Variants in ACTN2 observed in about 807,000 individuals in gnomAD.
The protein encoded by ACTN2 is actinin alpha 2.
In ACTN2, 39 loss-of-function variants were observed where a neutral mutation model predicts 113.8. That is an observed-to-expected ratio of 0.34 (90% CI 0.27 to 0.45). The LOEUF is 0.45. Ranked by LOEUF, ACTN2 falls within the 20% of genes least tolerant of loss-of-function variation. The pLI is 1.00. For missense variants in ACTN2, 992 were observed against 1,177.9 expected (o/e 0.84, Z 2.31); for synonymous variants, 429 against 444.1 (o/e 0.97, Z 0.43).
intron 1 of ACTN2, 138 bp downstream of exon 1, chr1:236,686,937 C>A: frequency 1.0e-6 from 1 of 992,664 alleles, no homozygotes; most frequent in Non-Finnish European, 1.3e-6. Context: ...GCCCTCGCAG[C>A]CCCGGGGGCC....
At position 236,751,582 on chromosome 1, in the gene ACTN2, A is replaced by G. The variant is rs1413539816; in HGVS notation, c.1769A>G (p.Asn590Ser). 2 of 1,613,968 alleles carry G rather than the reference A, an allele frequency of 1.2e-6. No homozygotes were observed. The highest frequency in any genetic ancestry group is 2.7e-5 in the African/African-American group (2 of 74,920). The change falls in exon 15 of 21, where the codon AAC (asparagine) becomes AGC (serine). Residue 590 changes from asparagine to serine, a missense_variant. Coordinates refer to ENST00000366578, the MANE Select transcript of ACTN2 (RefSeq NM_001103.4). ...NEVEKVIQSY[N>S]IRISSSNPYS... The stretch of plus-strand genomic sequence containing the variant: ...GTGGAGAAGGTGATTCAGAGCTACA[A>G]CATCAGAATCAGCTCAAGCAACCCG...
intron 3 of ACTN2, among the ~76,000 whole-genome samples, chr1:236,719,394 A>G (rs1157188463): frequency 6.6e-6 from 1 of 152,232 alleles, no homozygotes; most frequent in Non-Finnish European, 1.5e-5. Flanking sequence ...TTCCACCCAT[A>G]TCTCTGTATG....
chr1:236,724,537 G>A (rs1446144413), intron 4 of ACTN2, among the ~76,000 whole-genome samples: 1 of 152,244 alleles, frequency 6.6e-6, no homozygotes, highest in Non-Finnish European at 1.5e-5. Context: ...GCTTGGGGAA[G>A]AAGGTCTCCG....
At chr1:236,690,617 G>C (rs572370587) in intron 1 of ACTN2, among the ~76,000 whole-genome samples, 7 of 152,300 alleles carry the variant, frequency 4.6e-5, no homozygotes, top group South Asian at 2.1e-4. Flanking sequence ...ACATTGTAAA[G>C]TGATCTGTAA....
In ACTN2 at chr1:236,755,157, G is replaced by A. The variant is rs1659517244; in HGVS notation, c.2113G>A (p.Ala705Thr). The change falls in exon 17 of 21, where the codon GCC (alanine) becomes ACC (threonine). Residue 705 changes from alanine (A) to threonine (T), a missense_variant. Ala to Thr is a moderately conservative substitution (Grantham distance 58). This residue lies in a region of ACTN2 where 736 missense variants were observed against 815.4 expected (regional missense o/e 0.90). Transcript: ENST00000366578. ...GGGAGACCATCAGCTCATCCAGGAG[G>A]CCCTTGTCTTTGACAACAAGCACAC... is the stretch of plus-strand genomic sequence containing the variant. ...LEGDHQLIQE[A>T]LVFDNKHTNY... 3.7e-6 allele frequency: 6 copies of A among 1,613,994 alleles called. No individual in the cohort carries two copies. In the East Asian group the frequency reaches 8.9e-5, roughly 24 times the overall value.
intron 7 of ACTN2, among the ~76,000 whole-genome samples, chr1:236,735,160 G>A (rs920965276): frequency 5.9e-5 from 9 of 152,204 alleles, no homozygotes; most frequent in African/African-American, 1.9e-4. Flanking sequence ...ATCCCCAACA[G>A]TTGTTTGGGT....
At chr1:236,746,333 T>G (rs1190691636) in intron 12 of ACTN2, among the ~76,000 whole-genome samples, 1 of 152,106 alleles carries the variant, frequency 6.6e-6, no homozygotes, top group Non-Finnish European at 1.5e-5. Flanking sequence ...TTGATTTATA[T>G]CTGAATGAAA....
At position 236,706,980 on chromosome 1, in the gene ACTN2, C is replaced by T. The variant is rs369373313; in HGVS notation, c.127-10878C>T. Among the ~76,000 whole-genome samples the T allele has an allele frequency of 5.8e-4, 89 of 152,250 alleles. 2 individuals are homozygous for T. Among genetic ancestry groups the T allele is most frequent in the African/African-American group, 2.0e-3 (84 of 41,558 alleles). On this transcript the variant is annotated intron_variant, in intron 1 of 20. Coordinates refer to ENST00000366578, the MANE Select transcript of ACTN2 (RefSeq NM_001103.4). ...GCAGACATGTAACAGCCTGGGAAGC[C>T]GGTTGTGGGTCTTCCTTTTGCAATG...
At chr1:236,705,965 T>C (rs906543280) in intron 1 of ACTN2, among the ~76,000 whole-genome samples, 1 of 152,212 alleles carries the variant, frequency 6.6e-6, no homozygotes, top group Non-Finnish European at 1.5e-5. Context: ...CAGAATTTGA[T>C]TAAAACCAGA....
intron 19 of ACTN2, 68 bp downstream of exon 19, chr1:236,759,857 A>T: frequency 6.7e-7 from 1 of 1,489,248 alleles, no homozygotes; most frequent in Non-Finnish European, 9.4e-7. Flanking sequence ...GTTATAAAAG[A>T]TGACAAGCTC....
intron 9 of ACTN2, among the ~76,000 whole-genome samples, chr1:236,738,681 A>T (rs1658967262): frequency 6.6e-6 from 1 of 152,230 alleles, no homozygotes; most frequent in Non-Finnish European, 1.5e-5. Flanking sequence ...GGTTTTCAGC[A>T]AGTCATTTCT....
chr1:236,704,401 G>A (rs529960793), intron 1 of ACTN2, among the ~76,000 whole-genome samples: 1 of 152,320 alleles, frequency 6.6e-6, no homozygotes, highest in Non-Finnish European at 1.5e-5. Flanking sequence ...GTACTCCAGT[G>A]TATTTGATTC....
At chr1:236,746,650 A>G (rs1401376733) in intron 12 of ACTN2, among the ~76,000 whole-genome samples, 4 of 151,768 alleles carry the variant, frequency 2.6e-5, no homozygotes, top group African/African-American at 9.7e-5. Flanking sequence ...AGGCTGTAAT[A>G]ACGTATGATC....
At chr1:236,708,178 G>A (rs1319995539) in intron 1 of ACTN2, among the ~76,000 whole-genome samples, 1 of 152,084 alleles carries the variant, frequency 6.6e-6, no homozygotes, top group Non-Finnish European at 1.5e-5. Context: ...ACAGGACCTT[G>A]GAGACCAAGC....
At chr1:236,742,154 G>C (rs750230114) in intron 10 of ACTN2, among the ~76,000 whole-genome samples, 1 of 152,126 alleles carries the variant, frequency 6.6e-6, no homozygotes, top group Non-Finnish European at 1.5e-5. Flanking sequence ...CCACCCTGAC[G>C]GGCAGGGCTG....
chr1:236,743,100 G>T lies in ACTN2; in HGVS notation c.1255+57G>T, dbSNP rs1050431997. 2.3e-5 allele frequency: 37 copies of T among 1,589,846 alleles called. No homozygotes were observed. In the African/African-American group the frequency reaches 4.3e-4, roughly 18 times the overall value. Reference sequence around the variant, plus strand: ...AAAAACCAGAGTTGAGCCATGCCCAGAGCCATGATGCATCCTTACTAACTC... The same window carrying T: ...AAAAACCAGAGTTGAGCCATGCCCATAGCCATGATGCATCCTTACTAACTC... On this transcript the variant is annotated intron_variant, in intron 11 of 20. Coordinates refer to ENST00000366578, the MANE Select transcript of ACTN2 (RefSeq NM_001103.4).
intron 8 of ACTN2, among the ~76,000 whole-genome samples, chr1:236,736,222 C>T (rs533759486): frequency 6.6e-6 from 1 of 152,290 alleles, no homozygotes; most frequent in African/African-American, 2.4e-5. Context: ...AGACAAATAG[C>T]CCAAGGGACC....
At chr1:236,760,871 T>C (rs577305728) in intron 19 of ACTN2, 144 bp from the exon 20 acceptor site, 93 of 1,073,352 alleles carry the variant, frequency 8.7e-5, no homozygotes, top group South Asian at 4.8e-4. Flanking sequence ...AGGGGAATCT[T>C]GTCCAAAGAC....
At position 236,739,389 on chromosome 1, in the gene ACTN2, G is replaced by A. The variant is rs1416760371; in HGVS notation, c.964G>A (p.Asp322Asn). 3.7e-6 allele frequency: 6 copies of A among 1,614,124 alleles called. No individual in the cohort carries two copies. The highest frequency in any genetic ancestry group is 5.1e-6 in the Non-Finnish European group (6 of 1,180,034). Residue 322 changes from aspartate to asparagine, a missense_variant, in exon 10 of 21, where the codon GAC (aspartate) becomes AAC (asparagine). Asp to Asn is a conservative substitution (Grantham distance 23). Coordinates refer to ENST00000366578, the MANE Select transcript of ACTN2 (RefSeq NM_001103.4). ...GCAAGCCATGCAGAAGAAGCTGGAG[G>A]ACTTCCGGGATTACCGCCGGAAGCA... ...TMQAMQKKLE[D>N]FRDYRRKHKP...
Sources: gnomAD v4.1 joint callset for allele counts (sites outside exome capture counted in the v4.1 genomes callset) on GRCh38, gnomAD v4.1.1 for gene constraint, gnomAD v4.1.1 regional missense constraint, MANE v1.5 for transcripts, NCBI Gene and HGNC (gene_info 2026-07-23, HGNC 2026-07-21) for gene names.